The following DOK2 variants were observed in gnomAD, a reference collection of about 807,000 sequenced individuals.
DOK2 encodes docking protein 2, also known as docking protein 2, 56kD.
In DOK2, 28 loss-of-function variants were observed where a neutral mutation model predicts 26.0. The ratio of observed to expected loss-of-function variants is 1.08; its 90% CI spans 0.80 to 1.48. DOK2 has a LOEUF of 1.48. Ranked by LOEUF, DOK2 falls within the 40% of genes most tolerant of loss-of-function variation. The probability of loss-of-function intolerance (pLI) is 0.00; values close to 1 mark genes in which losing one functional copy is unlikely to be tolerated. For synonymous variants in DOK2, 282 were observed against 236.9 expected, an observed-to-expected ratio of 1.19 and a Z score of -1.75; for missense variants, 682 against 558.2, an observed-to-expected ratio of 1.22 and a Z score of -2.23.
intron 3 of DOK2, 88 bp downstream of exon 3, chr8:21,911,813 G>A: frequency 1.5e-6 from 2 of 1,374,968 alleles, no homozygotes; most frequent in Non-Finnish European, 9.7e-7. Context: ...GAAGACTCGG[G>A]GCCAGCAGCT....
Position 21,909,744 on chromosome 8 carries a change from C to T in DOK2, c.806G>A (p.Ser269Asn), listed in dbSNP as rs1434873122. The change falls in exon 5 of 5, where the codon AGC becomes AAC. Residue 269 changes from serine to asparagine, a missense_variant. Physicochemically the swap from Ser to Asn is conservative, Grantham distance 46. Transcript: ENST00000276420. ...TIPASLPRPD[S>N]PYSRPHDSLP... is the part of the protein sequence containing the mutation. The stretch of plus-strand genomic sequence containing the variant: ...TGAGTCATGCGGCCGAGAGTAGGGG[C>T]TATCAGGCCGGGGCAGCGACGCGGG... 1 of 1,613,642 alleles carries T rather than the reference C, an allele frequency of 6.2e-7. No homozygotes were observed. Among genetic ancestry groups the T allele is most frequent in the African/African-American group, 1.3e-5 (1 of 74,930 alleles).
In DOK2 at chr8:21,912,252, C is replaced by A; in HGVS notation, c.322G>T (p.Ala108Ser). ...ACGGGGAAGGCCAGGAGGCAGATGG[C>A]CTGCACCCAGTCGCCGCGCTCCGCT... ...PAAERGDWVQ[A>S]ICLLAFPGQR... is the part of the protein sequence containing the mutation. Residue 108 changes from alanine to serine, a missense_variant, in exon 2 of 5, where the codon GCC becomes TCC. Physicochemically the swap from Ala to Ser is moderately conservative, Grantham distance 99 (BLOSUM62 1). Coordinates refer to ENST00000276420, the MANE Select transcript of DOK2 (RefSeq NM_003974.4). The A allele has an allele frequency of 1.9e-6, 3 of 1,569,348 alleles. No individual in the cohort carries two copies. The highest frequency in any genetic ancestry group is 1.2e-5 in the South Asian group (1 of 85,848).
chr8:21,912,301 G>A lies in DOK2; in HGVS notation c.273C>T (p.Arg91=), dbSNP rs1415645771. 1 of 1,600,288 alleles carries A rather than the reference G, an allele frequency of 6.2e-7. No homozygotes were observed. Among genetic ancestry groups the A allele is most frequent in the South Asian group, 1.1e-5 (1 of 89,114 alleles). The change falls in exon 2 of 5, where the codon CGC becomes CGT. Residue 91 remains arginine (R), a synonymous_variant. Coordinates refer to ENST00000276420, the MANE Select transcript of DOK2 (RefSeq NM_003974.4). ...TSAFFLETKE[R]LYLLAAPAAE... ...CTGCAGGGGCCGCCAGGAGGTACAG[G>A]CGCTCCTTGGTCTCCAGGAAGAAGG...
rs773008623 is a variant in DOK2, at chr8:21,909,461, G to C, written c.1089C>G (p.Pro363=). The change falls in exon 5 of 5, where the codon CCC becomes CCG. Residue 363 remains proline (P), a synonymous_variant. Coordinates refer to ENST00000276420, the MANE Select transcript of DOK2 (RefSeq NM_003974.4). ...ALSLYDSPQE[P]RGEAWRRQAT... is the part of the protein sequence containing the mutation. ...CCTGCCTCCTCCATGCCTCACCCCGGGGCTCCTGCGGGCTGTCATAGAGGG... is the reference window on the plus strand; with the variant it reads ...CCTGCCTCCTCCATGCCTCACCCCGCGGCTCCTGCGGGCTGTCATAGAGGG... 3.1e-6 allele frequency: 5 copies of C among 1,613,376 alleles called. No homozygotes were observed. The Admixed American group carries it at 8.3e-5, about 27-fold the overall frequency.
At chr8:21,909,972 G>C in intron 4 of DOK2, 41 bp from the exon 5 acceptor site, 1 of 1,531,674 alleles carries the variant, frequency 6.5e-7, no homozygotes, top group Non-Finnish European at 8.7e-7. Context: ...AGGCCACAGG[G>C]CAGGGGTGCA....
At position 21,910,699 on chromosome 8, in the gene DOK2, A is replaced by C; in HGVS notation, c.592T>G (p.Phe198Val). The C allele has an allele frequency of 6.2e-7, 1 of 1,613,818 alleles. No individual in the cohort carries two copies. Among genetic ancestry groups the C allele is most frequent in the Non-Finnish European group, 8.5e-7 (1 of 1,179,970 alleles). The change falls in exon 4 of 5, where the codon TTT becomes GTT. Residue 198 changes from phenylalanine (F) to valine (V), a missense_variant. By Grantham distance (50) the Phe-to-Val change is conservative. Transcript: ENST00000276420. Reference protein sequence around the residue: ...GTQLYDWPYRFLRRFGRDKVT... With the variant: ...GTQLYDWPYRVLRRFGRDKVT... Reference sequence around the variant, plus strand: ...TTGTCCCGCCCAAAGCGCCGCAGAAACCTGTAGGGCCAGTCGTACAGCTGG... The same window carrying C: ...TTGTCCCGCCCAAAGCGCCGCAGAACCCTGTAGGGCCAGTCGTACAGCTGG...
Position 21,912,434 on chromosome 8 carries a change from G to A in DOK2, c.140C>T (p.Pro47Leu), listed in dbSNP as rs903193113. 6 of 1,573,628 alleles carry A rather than the reference G, an allele frequency of 3.8e-6. No individual in the cohort carries two copies. The highest frequency in any genetic ancestry group is 1.2e-5 in the South Asian group (1 of 86,494). ...AGCCTCACACCGACGAGGCTTCTCCGGGCCCTCCTGCAGCTCCAGCCGGGC... is the reference window on the plus strand; with the variant it reads ...AGCCTCACACCGACGAGGCTTCTCCAGGCCCTCCTGCAGCTCCAGCCGGGC... ...ALARLELQEG[P>L]EKPRRCEAAR... Residue 47 changes from proline to leucine, a missense_variant, in exon 2 of 5, where the codon CCG becomes CTG. By Grantham distance (98) the Pro-to-Leu change is moderately conservative. Coordinates refer to ENST00000276420, the MANE Select transcript of DOK2 (RefSeq NM_003974.4).
chr8:21,912,504 G>A lies in DOK2; in HGVS notation c.70C>T (p.Arg24Cys). The A allele has an allele frequency of 1.3e-6, 2 of 1,515,718 alleles. No homozygotes were observed. Among genetic ancestry groups the A allele is most frequent in the Non-Finnish European group, 1.8e-6 (2 of 1,134,004 alleles). The allele number at this position is 1,515,718 out of a possible 1,614,324, so 93.9% of individuals were successfully genotyped here. Residue 24 changes from arginine (R) to cysteine (C), a missense_variant, in exon 2 of 5, where the codon CGC becomes TGC. Transcript: ENST00000276420. ...CCATACAGTGAGGCGCCGAAGCGGC[G>A]CCATTTCTGTGCCAGAGGCGTGGGA... is the stretch of plus-strand genomic sequence containing the variant. ...QQQQTFGKKW[R>C]RFGASLYGGS... is the part of the protein sequence containing the mutation.
chr8:21,911,522 C>A (rs535524311), intron 3 of DOK2, among the ~76,000 whole-genome samples: 1 of 152,184 alleles, frequency 6.6e-6, no homozygotes, highest in Non-Finnish European at 1.5e-5. Flanking sequence ...GCAGGAGAAT[C>A]GCTTGAACCC....
intron 3 of DOK2, 147 bp downstream of exon 3, chr8:21,911,754 G>T: frequency 2.4e-6 from 2 of 843,124 alleles, no homozygotes; most frequent in Non-Finnish European, 3.5e-6. Flanking sequence ...AAGCGAGAAG[G>T]AGAGGCTGAT....
chr8:21,912,603 G>T, intron 1 of DOK2, 93 bp from the exon 2 acceptor site: 1 of 1,299,842 alleles, frequency 7.7e-7, no homozygotes, highest in Non-Finnish European at 1.0e-6. Flanking sequence ...CGTGGGAGGG[G>T]GACTGGGGCA....
At chr8:21,912,044 G>A (rs1809872004) in intron 2 of DOK2, 56 bp from the exon 3 acceptor site, 8 of 1,520,476 alleles carry the variant, frequency 5.3e-6, no homozygotes, top group Non-Finnish European at 7.0e-6. Context: ...CCCCCCTCTG[G>A]CCCAGGCCTT....
rs1356087794 is a variant in DOK2 at position 21,911,982 on chromosome 8, T to G, written c.352A>C (p.Arg118=). ...AICLLAFPGQ[R]KELSGPEGKQ... ...CCCTCTGGCCCCGAGAGCTCCTTCC[T>G]CTGCCCCTAGGGAGGAGGCGCCCCG... The change falls in exon 3 of 5, where the codon AGG becomes CGG. Residue 118 remains arginine (R), a synonymous_variant. Coordinates refer to ENST00000276420, the MANE Select transcript of DOK2 (RefSeq NM_003974.4). 1 of 1,551,748 alleles carries G rather than the reference T, an allele frequency of 6.4e-7. No homozygotes were observed. Among genetic ancestry groups the G allele is most frequent in the Non-Finnish European group, 8.7e-7 (1 of 1,148,170 alleles).
At position 21,912,418 on chromosome 8, in the gene DOK2, C is replaced by G. The variant is rs1396929000; in HGVS notation, c.156G>C (p.Arg52=). 1.3e-6 allele frequency: 2 copies of G among 1,584,556 alleles called. No individual in the cohort carries two copies. The highest frequency in any genetic ancestry group is 2.3e-5 in the East Asian group (1 of 42,862). ...ELQEGPEKPR[R]CEAARKVIRL... is the part of the protein sequence containing the mutation. ...GGATGACCTTCCGGGCAGCCTCACA[C>G]CGACGAGGCTTCTCCGGGCCCTCCT... Residue 52 remains arginine (R), a synonymous_variant, in exon 2 of 5, where the codon CGG becomes CGC. Coordinates refer to ENST00000276420, the MANE Select transcript of DOK2 (RefSeq NM_003974.4).
At position 21,910,669 on chromosome 8, in the gene DOK2, T is replaced by A; in HGVS notation, c.618+4A>T. On this transcript the variant is annotated splice_donor_region_variant and intron_variant, in intron 4 of 4. Transcript: ENST00000276420. The stretch of plus-strand genomic sequence containing the variant: ...AACCTGCCCTGATGCAGCTTCCCAC[T>A]CACCTTGTCCCGCCCAAAGCGCCGC... The A allele has an allele frequency of 6.2e-7, 1 of 1,613,842 alleles. No homozygotes were observed. The highest frequency in any genetic ancestry group is 8.5e-7 in the Non-Finnish European group (1 of 1,180,012).
rs969858966 is a variant in DOK2, at chr8:21,909,259, G to A, written c.*52C>T. On this transcript the variant is annotated 3_prime_UTR_variant, in exon 5 of 5. Transcript: ENST00000276420. ...GGTTCTTCTGATGCAGTGGCCAGGAGGAGTCACCAGCAGAAGCCAAGGGGC... is the reference window on the plus strand; with the variant it reads ...GGTTCTTCTGATGCAGTGGCCAGGAAGAGTCACCAGCAGAAGCCAAGGGGC... 4.6e-6 allele frequency: 7 copies of A among 1,511,876 alleles called. No individual in the cohort carries two copies. Among genetic ancestry groups the A allele is most frequent in the African/African-American group, 2.8e-5 (2 of 71,558 alleles). The allele number at this position is 1,511,876 out of a possible 1,614,324, so 93.7% of individuals were successfully genotyped here. A position where few individuals can be genotyped will look rare whatever the true frequency, so the allele number is the denominator to read the frequency against.
At chr8:21,912,795 C>T (rs1187091279) in intron 1 of DOK2, among the ~76,000 whole-genome samples, 2 of 152,328 alleles carry the variant, frequency 1.3e-5, no homozygotes, top group East Asian at 3.9e-4. Context: ...CCAAAGCAGG[C>T]TGCAAGAAGG....
Position 21,910,738 on chromosome 8 carries a change from G to A in DOK2, c.553C>T (p.Pro185Ser). The change falls in exon 4 of 5, where the codon CCC becomes TCC. Residue 185 changes from proline (P) to serine (S), a missense_variant. Transcript: ENST00000276420. ...TCGTACAGCTGGGTCCCTGGCTCGG[G>A]CCCACCCCACAGCTCCAGGGCACTC... The part of the protein sequence containing the change: ...GESALELWGG[P>S]EPGTQLYDWP... 5 of 1,614,014 alleles carry A rather than the reference G, an allele frequency of 3.1e-6. No homozygotes were observed. Among genetic ancestry groups the A allele is most frequent in the Non-Finnish European group, 3.4e-6 (4 of 1,180,020 alleles).
chr8:21,910,858 C>G lies in DOK2; in HGVS notation c.434-1G>C, dbSNP rs899449022. On this transcript the variant is annotated splice_acceptor_variant, in intron 3 of 4. Transcript: ENST00000276420. LOFTEE classifies it high-confidence loss of function. ...ACAGCAAATTCCTTGTGGGGGCCGA[C>G]TGGGGAGAAGAAGAGAGAGAAGGCG... is the stretch of plus-strand genomic sequence containing the variant. 2.5e-6 allele frequency: 4 copies of G among 1,600,392 alleles called. No homozygotes were observed. Among genetic ancestry groups the G allele is most frequent in the Non-Finnish European group, 2.6e-6 (3 of 1,172,596 alleles).
Sources: allele counts gnomAD v4.1 joint callset (sites outside exome capture counted in the v4.1 genomes callset), GRCh38; gene constraint gnomAD v4.1.1; transcripts MANE v1.5; gene names NCBI Gene and HGNC (gene_info 2026-07-23, HGNC 2026-07-21).